The following KIF1A variants were observed in gnomAD, a reference collection of about 807,000 sequenced individuals.
The protein encoded by KIF1A is kinesin-like protein KIF1A.
Under a neutral mutation model 227.3 loss-of-function variants are expected in KIF1A, and 46 were observed. The ratio of observed to expected loss-of-function variants is 0.20; its 90% CI spans 0.16 to 0.26. KIF1A has a LOEUF of 0.26. Ranked by LOEUF, KIF1A falls within the 10% of genes least tolerant of loss-of-function variation. KIF1A has a pLI of 1.00. For synonymous variants in KIF1A, 1,022 were observed against 1,012.8 expected (o/e 1.01, Z -0.17); for missense variants, 1,683 against 2,485.9 (o/e 0.68, Z 6.87).
Position 240,797,739 on chromosome 2 carries a change from G to A in KIF1A, c.14C>T (p.Ser5Leu), listed in dbSNP as rs1194444299. Reference sequence around the variant, plus strand: ...GCGGACCCGCACCGCCACCTTCACCGAAGCCCCGGCCATCTCTGTGGCCTT... The same window carrying A: ...GCGGACCCGCACCGCCACCTTCACCAAAGCCCCGGCCATCTCTGTGGCCTT... MAGA[S>L]VKVAVRVRPF... Residue 5 changes from serine (S) to leucine (L), a missense_variant, in exon 2 of 49, where the codon TCG becomes TTG. Physicochemically the swap from Ser to Leu is moderately radical, Grantham distance 145. Transcript: ENST00000498729. The A allele has an allele frequency of 5.0e-6, 8 of 1,609,754 alleles. No homozygotes were observed. The highest frequency in any genetic ancestry group is 2.2e-5 in the East Asian group (1 of 44,850).
intron 8 of KIF1A, 129 bp from the exon 9 acceptor site, chr2:240,783,238 G>C: frequency 1.3e-6 from 1 of 771,706 alleles, no homozygotes; most frequent in Non-Finnish European, 2.3e-6. Context: ...GATCTCTGGG[G>C]CCACTTGGGC....
chr2:240,812,262 G>T (rs1264576109), intron 1 of KIF1A, among the ~76,000 whole-genome samples: 1 of 152,216 alleles, frequency 6.6e-6, no homozygotes, highest in Non-Finnish European at 1.5e-5. Context: ...GAAGGGGGCT[G>T]GGGGTGGCAC....
chr2:240,721,513 T>C (rs1575518327), intron 44 of KIF1A, among the ~76,000 whole-genome samples: 1 of 151,938 alleles, frequency 6.6e-6, no homozygotes, highest in Non-Finnish European at 1.5e-5. Context: ...GGCCACAGGG[T>C]GATGGCCAGA....
intron 5 of KIF1A, among the ~76,000 whole-genome samples, 197 bp from the exon 6 acceptor site, chr2:240,786,710 A>AGTGAGGGGGTGGGGGCTGCCTGCTGGG (rs1559529661): frequency 9.5e-6 from 1 of 105,602 alleles, no homozygotes; most frequent in Non-Finnish European, 2.0e-5. Context: ...CAGCATCAGG[A>AGTGAGGGGGTGGGGGCTGCCTGCTGGG]CCCCTGAGTG....
intron 38 of KIF1A, among the ~76,000 whole-genome samples, chr2:240,727,496 T>C (rs551195555): frequency 6.6e-6 from 1 of 152,240 alleles, no homozygotes; most frequent in African/African-American, 2.4e-5. Flanking sequence ...CCATGGTCCA[T>C]CTCCTCTGAC....
At chr2:240,773,334 G>C (rs1164533903) in intron 12 of KIF1A, 78 bp from the exon 13 acceptor site, 1 of 1,563,426 alleles carries the variant, frequency 6.4e-7, no homozygotes, top group Non-Finnish European at 8.7e-7. Flanking sequence ...CTAGAGCCCT[G>C]CCCAAGACCC....
At chr2:240,742,899 C>T (rs1290152050) in intron 34 of KIF1A, 30 bp downstream of exon 34, 1 of 1,594,126 alleles carries the variant, frequency 6.3e-7, no homozygotes, top group East Asian at 2.2e-5. Context: ...GAGCTCACTG[C>T]CCTGAGACGG....
intron 18 of KIF1A, 64 bp downstream of exon 18, chr2:240,767,202 C>T (rs2051315459): frequency 3.5e-6 from 5 of 1,411,358 alleles, no homozygotes; most frequent in Middle Eastern, 3.6e-4. Flanking sequence ...ATGGGGAGTC[C>T]AGCCTTCCCC....
At position 240,743,000 on chromosome 2, in the gene KIF1A, C is replaced by A; in HGVS notation, c.3585-16G>T. Reference sequence around the variant, plus strand: ...CCTCAGGGGGCTGTGGAGAAAGGACCAGTGTGAGGTGTTTGCGGGACCCTG... The same window carrying A: ...CCTCAGGGGGCTGTGGAGAAAGGACAAGTGTGAGGTGTTTGCGGGACCCTG... On this transcript the variant is annotated splice_polypyrimidine_tract_variant and intron_variant, in intron 33 of 48. Coordinates refer to ENST00000498729, the MANE Select transcript of KIF1A (RefSeq NM_001244008.2). 1.3e-6 allele frequency: 2 copies of A among 1,599,002 alleles called. No individual in the cohort carries two copies. The highest frequency in any genetic ancestry group is 2.2e-5 in the East Asian group (1 of 44,454).
intron 27 of KIF1A, among the ~76,000 whole-genome samples, chr2:240,753,867 C>A (rs991780629): frequency 6.6e-6 from 1 of 152,174 alleles, no homozygotes; most frequent in Admixed American, 6.5e-5. Context: ...GGCCTGGCAG[C>A]AAGGGCCTGC....
Position 240,788,271 on chromosome 2 carries a change from G to A in KIF1A, c.184-41C>T. ...GGAATGAAGTTGCAGGAGGCTGGGT[G>A]CATCCGAGGCTCAGCCCATCATGTC... On this transcript the variant is annotated intron_variant, in intron 3 of 48. Coordinates refer to ENST00000498729, the MANE Select transcript of KIF1A (RefSeq NM_001244008.2). This position sits in a 1 kb window ranked among gnomAD's most constrained non-coding sequence, Gnocchi z 6.6. 1 of 1,587,718 alleles carries A rather than the reference G, an allele frequency of 6.3e-7. No homozygotes were observed.
chr2:240,760,062 G>C (rs540517705), intron 25 of KIF1A, among the ~76,000 whole-genome samples: 1 of 151,956 alleles, frequency 6.6e-6, no homozygotes, highest in African/African-American at 2.4e-5. Flanking sequence ...AAATCAGCGT[G>C]AGCATGTGGG....
chr2:240,784,848 G>A (rs1330843866), intron 7 of KIF1A, 141 bp downstream of exon 7: 4 of 679,182 alleles, frequency 5.9e-6, no homozygotes, highest in Non-Finnish European at 1.0e-5. Context: ...TGGTGCCAGT[G>A]TAAGTGTGAG....
intron 38 of KIF1A, chr2:240,728,442 G>T: frequency 7.8e-7 from 1 of 1,284,724 alleles, no homozygotes; most frequent in Non-Finnish European, 1.0e-6. Context: ...GGACACACAC[G>T]TACACATACA....
intron 15 of KIF1A, among the ~76,000 whole-genome samples, chr2:240,770,062 G>A (rs2051744141): frequency 6.6e-6 from 1 of 152,114 alleles, no homozygotes; most frequent in Non-Finnish European, 1.5e-5. Context: ...ACATCAGCCT[G>A]GTCTCTCCTT....
At chr2:240,722,949 C>T (rs1049590449) in intron 42 of KIF1A, among the ~76,000 whole-genome samples, 1 of 152,218 alleles carries the variant, frequency 6.6e-6, no homozygotes, top group Non-Finnish European at 1.5e-5. Context: ...CAGGGCTGTG[C>T]TGCCTTGCAG....
At chr2:240,750,608 C>T (rs964129839) in intron 27 of KIF1A, 61 bp from the exon 28 acceptor site, 26 of 1,235,452 alleles carry the variant, frequency 2.1e-5, no homozygotes, top group Non-Finnish European at 2.8e-5. Context: ...TGAACGGCAG[C>T]GGTGGCAGCA....
intron 5 of KIF1A, 96 bp downstream of exon 5, chr2:240,787,155 C>A (rs964330014): frequency 9.9e-7 from 1 of 1,009,720 alleles, no homozygotes; most frequent in African/African-American, 1.6e-5. Context: ...GCGTGCAGAC[C>A]CGTGGTGGGC....
intron 43 of KIF1A, 141 bp downstream of exon 43, chr2:240,722,315 G>C (rs1447972715): frequency 9.0e-6 from 7 of 775,890 alleles, no homozygotes; most frequent in Non-Finnish European, 1.4e-5. Flanking sequence ...GGGGACCCTA[G>C]GGACCCCTCA....
Sources: allele counts gnomAD v4.1 joint callset (sites outside exome capture counted in the v4.1 genomes callset), GRCh38; gene constraint gnomAD v4.1.1; non-coding constraint Gnocchi (gnomAD v3.1); transcripts MANE v1.5; gene names NCBI Gene and HGNC (gene_info 2026-07-23, HGNC 2026-07-21).